CPD: variants seen among roughly 807,000 people sequenced by gnomAD.
CPD encodes carboxypeptidase D, also known as metallocarboxypeptidase D.
CPD carries 69 observed loss-of-function variants against 138.3 expected under a neutral mutation model. The ratio of observed to expected loss-of-function variants is 0.50; its 90% CI spans 0.41 to 0.61. CPD has a LOEUF of 0.61. CPD is among the 20% of genes least tolerant of loss of function. The probability of loss-of-function intolerance (pLI) is 0.00; values close to 1 mark genes in which losing one functional copy is unlikely to be tolerated. For synonymous variants in CPD, 651 were observed against 642.1 expected (o/e 1.01, Z -0.21); for missense variants, 1,432 against 1,733.3 (o/e 0.83, Z 3.09).
chr17:30,456,013 G>C (rs1423715503), intron 15 of CPD: 1 of 463,320 alleles, frequency 2.2e-6, no homozygotes, highest in Non-Finnish European at 3.8e-6. Flanking sequence ...AAACAAGTTT[G>C]TATTTTAGTG....
chr17:30,408,034 T>C (rs1019160566), intron 2 of CPD, among the ~76,000 whole-genome samples: 1 of 152,258 alleles, frequency 6.6e-6, no homozygotes, highest in East Asian at 1.9e-4. Context: ...TTCCTACATA[T>C]GGCTACCCAC....
rs764605983 is a variant in CPD at position 30,445,858 on chromosome 17, C to T, written c.2711C>T (p.Thr904Ile). 1.6e-5 allele frequency: 26 copies of T among 1,614,156 alleles called. No individual in the cohort carries two copies. Among genetic ancestry groups the T allele is most frequent in the Non-Finnish European group, 2.1e-5 (25 of 1,180,014 alleles). Residue 904 changes from threonine to isoleucine, a missense_variant, in exon 12 of 21, where the codon ACT (threonine) becomes ATT (isoleucine). By Grantham distance (89) the Thr-to-Ile change is moderately conservative. Around this residue, in one of 6 missense-constraint regions of CPD, gnomAD observed 124 missense variants for 117.0 expected, o/e 1.06. Coordinates refer to ENST00000225719, the MANE Select transcript of CPD (RefSeq NM_001304.5). Reference sequence around the variant, plus strand: ...GATCCAACTACTAAAGAGTTTGAAACTTTAATTAAAGACCTTTCAGCGGAG... The same window carrying T: ...GATCCAACTACTAAAGAGTTTGAAATTTTAATTAAAGACCTTTCAGCGGAG... ...ASDPTTKEFE[T>I]LIKDLSAENG...
chr17:30,410,629 T>C (rs1026811621), intron 2 of CPD, among the ~76,000 whole-genome samples: 2 of 152,240 alleles, frequency 1.3e-5, no homozygotes, highest in Admixed American at 1.3e-4. Context: ...CTTTGTCTCT[T>C]TTGATCTTTG....
chr17:30,421,074 T>A, intron 3 of CPD, 91 bp downstream of exon 3: 1 of 926,618 alleles, frequency 1.1e-6, no homozygotes, highest in Middle Eastern at 2.3e-4. Context: ...CTATACAGTA[T>A]TAGATGTCAT....
chr17:30,444,022 C>T, intron 11 of CPD, 51 bp downstream of exon 11: 2 of 1,583,594 alleles, frequency 1.3e-6, no homozygotes, highest in Non-Finnish European at 1.7e-6. Context: ...AAACATGGCT[C>T]CATTCTGGAG....
intron 17 of CPD, among the ~76,000 whole-genome samples, chr17:30,460,910 C>T (rs1004422496): frequency 5.3e-5 from 8 of 152,184 alleles, no homozygotes; most frequent in African/African-American, 1.9e-4. Context: ...GAATAAACCC[C>T]ATCTACCTGG....
At chr17:30,437,842 TTTTG>T (rs1912745290) in intron 8 of CPD, among the ~76,000 whole-genome samples, 1 of 152,044 alleles carries the variant, frequency 6.6e-6, no homozygotes, top group Admixed American at 6.6e-5. Context: ...GTTTATTTTA[TTTTG>T]TTTTTGTTAG....
At chr17:30,433,007 AC>A (rs1417898013) in intron 8 of CPD, among the ~76,000 whole-genome samples, 2 of 152,122 alleles carry the variant, frequency 1.3e-5, no homozygotes, top group African/African-American at 4.8e-5. Flanking sequence ...GTTACTACTG[AC>A]TTAGTATTGT....
In CPD at chr17:30,445,684, A is replaced by G; in HGVS notation, c.2544-7A>G. 1.3e-6 allele frequency: 2 copies of G among 1,579,560 alleles called. No individual in the cohort carries two copies. The highest frequency in any genetic ancestry group is 1.7e-6 in the Non-Finnish European group (2 of 1,160,016). ...AGTGTGGTTCTGATCTGTCTCCTTT[A>G]TCATAGGTATAATCCAGTTACCAAG... is the stretch of plus-strand genomic sequence containing the variant. On this transcript the variant is annotated splice_region_variant and splice_polypyrimidine_tract_variant and intron_variant, in intron 11 of 20. Transcript: ENST00000225719.
intron 4 of CPD, among the ~76,000 whole-genome samples, chr17:30,422,120 G>A (rs1327705040): frequency 3.9e-5 from 6 of 152,254 alleles, no homozygotes; most frequent in Admixed American, 6.5e-5. Context: ...AAAGCTAACC[G>A]AATACCAGAG....
At position 30,445,806 on chromosome 17, in the gene CPD, G is replaced by A. The variant is rs779711077; in HGVS notation, c.2659G>A (p.Ala887Thr). ...SNNESKKGKG[A>T]SSSTNDASDP... ...CAATGAATCAAAGAAAGGAAAAGGG[G>A]CTAGCAGCAGCACCAATGATGCCAG... Residue 887 changes from alanine to threonine, a missense_variant, in exon 12 of 21, where the codon GCT becomes ACT. This residue lies in a region of CPD where 124 missense variants were observed against 117.0 expected (regional missense o/e 1.06). Transcript: ENST00000225719. 5.6e-6 allele frequency: 9 copies of A among 1,614,068 alleles called. No individual in the cohort carries two copies. The South Asian group carries it at 9.9e-5, about 18-fold the overall frequency.
In CPD at chr17:30,464,972, T is replaced by C; in HGVS notation, c.*158T>C. ...TATTCTCTGTGAATTTCACTGGCAG[T>C]TTTGAACTTCCCTTCCTTAAAGTAC... On this transcript the variant is annotated 3_prime_UTR_variant, in exon 21 of 21. Transcript: ENST00000225719. 3.1e-6 allele frequency: 2 copies of C among 640,764 alleles called. No individual in the cohort carries two copies. Among genetic ancestry groups the C allele is most frequent in the Non-Finnish European group, 5.3e-6 (2 of 374,068 alleles). 39.7% of individuals were successfully genotyped at this position (640,764 alleles called of 1,614,324 possible).
At position 30,379,409 on chromosome 17, in the gene CPD, C is replaced by T. The variant is rs1910980145; in HGVS notation, c.429C>T (p.Thr143=). The change falls in exon 1 of 21, where the codon ACC becomes ACT. Residue 143 remains threonine, a synonymous_variant. Coordinates refer to ENST00000225719, the MANE Select transcript of CPD (RefSeq NM_001304.5). This position sits in a 1 kb window ranked among gnomAD's most constrained non-coding sequence, Gnocchi z 7.0. The part of the protein sequence containing the change: ...KLVGNMHGDE[T]VSRQVLIYLA... ...TGGGCAACATGCATGGCGACGAGAC[C>T]GTGTCGCGCCAGGTGTTGATCTACT... The T allele has an allele frequency of 1.9e-6, 3 of 1,555,438 alleles. No homozygotes were observed. The highest frequency in any genetic ancestry group is 1.2e-5 in the South Asian group (1 of 85,734).
chr17:30,461,853 T>C, intron 18 of CPD, 24 bp from the exon 19 acceptor site: 1 of 1,562,316 alleles, frequency 6.4e-7, no homozygotes, highest in Non-Finnish European at 8.7e-7. Flanking sequence ...ACAACATAAA[T>C]TTATATTTTA....
chr17:30,401,011 A>G (rs1911645539), intron 2 of CPD, among the ~76,000 whole-genome samples: 1 of 151,860 alleles, frequency 6.6e-6, no homozygotes, highest in Non-Finnish European at 1.5e-5. Flanking sequence ...TTTATTGGAT[A>G]TAAAACTCGG....
intron 2 of CPD, among the ~76,000 whole-genome samples, chr17:30,392,072 C>T (rs555612892): frequency 6.7e-6 from 1 of 149,950 alleles, no homozygotes; most frequent in South Asian, 2.1e-4. Flanking sequence ...TGAAGTGGCG[C>T]AATCTCGGCT....
intron 11 of CPD, 178 bp downstream of exon 11, chr17:30,444,149 A>G (rs902552764): frequency 2.9e-5 from 14 of 490,008 alleles, no homozygotes; most frequent in Non-Finnish European, 4.6e-5. Flanking sequence ...TACACGAAAA[A>G]AAAAAAAAGG....
chr17:30,385,979 C>T (rs1386719257), intron 2 of CPD, among the ~76,000 whole-genome samples: 2 of 151,856 alleles, frequency 1.3e-5, no homozygotes, highest in African/African-American at 2.4e-5. Context: ...AGTTGGACAG[C>T]TTGGTTAACA....
Position 30,456,546 on chromosome 17 carries a change from G to T in CPD, c.3498+20G>T. 6.2e-7 allele frequency: 1 copy of T among 1,612,156 alleles called. No individual in the cohort carries two copies. Among genetic ancestry groups the T allele is most frequent in the African/African-American group, 1.3e-5 (1 of 74,962 alleles). On this transcript the variant is annotated intron_variant, in intron 17 of 20. Coordinates refer to ENST00000225719, the MANE Select transcript of CPD (RefSeq NM_001304.5). ...ATGAAGGTATGCTTTCTAGAACATG[G>T]TTAGAATGGAGTTATGGCCAGGCAC...
Sources: allele counts gnomAD v4.1 joint callset (sites outside exome capture counted in the v4.1 genomes callset), GRCh38; gene constraint gnomAD v4.1.1; regional missense constraint gnomAD v4.1.1; non-coding constraint Gnocchi (gnomAD v3.1); transcripts MANE v1.5; gene names NCBI Gene and HGNC (gene_info 2026-07-23, HGNC 2026-07-21).